The following ZNF804A variants were observed in gnomAD, a reference collection of about 807,000 sequenced individuals.
ZNF804A encodes zinc finger protein 804A.
Under a neutral mutation model 16.5 loss-of-function variants are expected in ZNF804A, and 2 were observed. The ratio of observed to expected loss-of-function variants is 0.12; its 90% confidence interval spans 0.05 to 0.38. The LOEUF is 0.38. Ranked by LOEUF, ZNF804A falls within the 10% of genes least tolerant of loss-of-function variation. The pLI, the probability that ZNF804A is intolerant of heterozygous loss-of-function variation, is 0.99. For synonymous variants in ZNF804A, 534 were observed against 489.6 expected, an observed-to-expected ratio of 1.09 and a Z score of -1.20; for missense variants, 1,473 against 1,390.7, an observed-to-expected ratio of 1.06 and a Z score of -0.94.
intron 1 of ZNF804A, among the ~76,000 whole-genome samples, chr2:184,642,309 A>G (rs765964691): frequency 1.4e-4 from 22 of 152,136 alleles, no homozygotes; most frequent in Non-Finnish European, 2.4e-4. Flanking sequence ...ACTGTCCTCA[A>G]GTAGCAATTA....
At chr2:184,613,429 T>G (rs954091919) in intron 1 of ZNF804A, among the ~76,000 whole-genome samples, 1 of 152,154 alleles carries the variant, frequency 6.6e-6, no homozygotes, top group African/African-American at 2.4e-5. Flanking sequence ...TGGCCAGAAA[T>G]GTAAACAATA....
chr2:184,667,907 TAA>T (rs1406499338), intron 1 of ZNF804A, among the ~76,000 whole-genome samples: 2 of 151,796 alleles, frequency 1.3e-5, no homozygotes, highest in African/African-American at 2.4e-5. Flanking sequence ...TTCAAATTAT[TAA>T]GTCTATTTCA....
At chr2:184,804,629 A>G (rs775486427) in intron 1 of ZNF804A, among the ~76,000 whole-genome samples, 3 of 152,236 alleles carry the variant, frequency 2.0e-5, no homozygotes, top group Admixed American at 6.5e-5. Flanking sequence ...GAAATTAAAC[A>G]GCTATAAAAT....
intron 1 of ZNF804A, among the ~76,000 whole-genome samples, chr2:184,705,544 C>T (rs1693012537): frequency 6.6e-6 from 1 of 152,066 alleles, no homozygotes; most frequent in Admixed American, 6.5e-5. Context: ...ACAATTATAA[C>T]CTCAGTCATT....
intron 2 of ZNF804A, among the ~76,000 whole-genome samples, chr2:184,918,313 C>T (rs1455646987): frequency 6.6e-6 from 1 of 152,146 alleles, no homozygotes; most frequent in Non-Finnish European, 1.5e-5. Context: ...TAATATGTCT[C>T]TTGATGGAAG....
chr2:184,689,707 T>G (rs1692699167), intron 1 of ZNF804A, among the ~76,000 whole-genome samples: 1 of 152,020 alleles, frequency 6.6e-6, no homozygotes, highest in Non-Finnish European at 1.5e-5. Context: ...TTTTAGCTCT[T>G]TATTTATCCT....
At chr2:184,898,425 T>C (rs1463746407) in intron 2 of ZNF804A, among the ~76,000 whole-genome samples, 1 of 152,074 alleles carries the variant, frequency 6.6e-6, no homozygotes, top group African/African-American at 2.4e-5. Context: ...TTGTGGAATA[T>C]AGAACACCAA....
Position 184,938,723 on chromosome 2 carries a change from TGCTGCAGCTGCAGCTGCA to T in ZNF804A, c.3330_3347del (p.Ala1114_Ala1119del), listed in dbSNP as rs751389469. Reference sequence around the variant, plus strand: ...CTGTTTTGCAGCAGCACGCTGCAGCTGCTGCAGCTGCAGCTGCAGCCGCAGCTGCAGGAACCTTTAAAG... The same window carrying T: ...CTGTTTTGCAGCAGCACGCTGCAGCTGCCGCAGCTGCAGGAACCTTTAAAG... On this transcript the variant is annotated inframe_deletion, in exon 4 of 4. Coordinates refer to ENST00000302277, the MANE Select transcript of ZNF804A (RefSeq NM_194250.2). 13 of 1,607,726 alleles carry T rather than the reference TGCTGCAGCTGCAGCTGCA, an allele frequency of 8.1e-6. No homozygotes were observed. Among genetic ancestry groups the T allele is most frequent in the East Asian group, 4.5e-5 (2 of 44,760 alleles).
rs1574280513 is a variant in ZNF804A, at chr2:184,939,440, A to C, written c.*414A>C. 3 of 153,696 alleles carry C rather than the reference A, an allele frequency of 2.0e-5. No homozygotes were observed. Among genetic ancestry groups the C allele is most frequent in the African/African-American group, 4.8e-5 (2 of 41,478 alleles). 9.5% of individuals were successfully genotyped at this position (153,696 alleles called of 1,614,324 possible). ...TTGTATCATGTTCCTTGAAACTGTA[A>C]ATTCAGTGAAAAATATCTCTTGCAA... is the stretch of plus-strand genomic sequence containing the variant. On this transcript the variant is annotated 3_prime_UTR_variant, in exon 4 of 4. Transcript: ENST00000302277.
intron 2 of ZNF804A, among the ~76,000 whole-genome samples, chr2:184,887,991 C>T (rs920076050): frequency 1.3e-5 from 2 of 151,974 alleles, no homozygotes; most frequent in South Asian, 2.1e-4. Context: ...GTTGGGAGTA[C>T]GGTAACGGTT....
intron 1 of ZNF804A, among the ~76,000 whole-genome samples, chr2:184,734,706 T>A (rs1338002796): frequency 2.6e-5 from 4 of 152,220 alleles, no homozygotes; most frequent in Admixed American, 6.5e-5. Flanking sequence ...TATTTTTGAG[T>A]TCAGCAGTGC....
intron 1 of ZNF804A, among the ~76,000 whole-genome samples, chr2:184,796,042 C>T (rs1354072575): frequency 6.6e-6 from 1 of 151,942 alleles, no homozygotes; most frequent in African/African-American, 2.4e-5. Context: ...TATGTTATGC[C>T]ATCCCTGTAT....
At chr2:184,717,425 A>G (rs1294036308) in intron 1 of ZNF804A, among the ~76,000 whole-genome samples, 1 of 152,100 alleles carries the variant, frequency 6.6e-6, no homozygotes, top group Non-Finnish European at 1.5e-5. Context: ...CTTTTAAGGC[A>G]CCTCAGTGCT....
At chr2:184,903,584 A>G (rs901738092) in intron 2 of ZNF804A, among the ~76,000 whole-genome samples, 1 of 152,168 alleles carries the variant, frequency 6.6e-6, no homozygotes, top group East Asian at 1.9e-4. Context: ...TAAGGGGCAC[A>G]TGACTGTAGT....
At chr2:184,599,102 T>TCTCA in intron 1 of ZNF804A, 32 bp downstream of exon 1, 1 of 1,475,470 alleles carries the variant, frequency 6.8e-7, no homozygotes, top group Non-Finnish European at 9.5e-7. Flanking sequence ...TCTCTCTCTC[T>TCTCA]CATATTTAAG....
chr2:184,850,329 G>T (rs1425088601), intron 1 of ZNF804A, among the ~76,000 whole-genome samples: 1 of 151,788 alleles, frequency 6.6e-6, no homozygotes, highest in Admixed American at 6.6e-5. Flanking sequence ...AACATCATGT[G>T]TACCCATAAT....
At chr2:184,797,025 AGGCTTGTTTTAT>A (rs1694639893) in intron 1 of ZNF804A, among the ~76,000 whole-genome samples, 1 of 152,010 alleles carries the variant, frequency 6.6e-6, no homozygotes, top group Admixed American at 6.6e-5. Flanking sequence ...TAATTTATTG[AGGCTTGTTTTAT>A]GGCCTATCAT....
intron 1 of ZNF804A, among the ~76,000 whole-genome samples, chr2:184,658,929 C>A (rs1692123822): frequency 6.6e-6 from 1 of 152,112 alleles, no homozygotes; most frequent in Non-Finnish European, 1.5e-5. Flanking sequence ...TATATATGAC[C>A]TTTTCTTGTA....
At chr2:184,852,095 A>G (rs971692820) in intron 1 of ZNF804A, among the ~76,000 whole-genome samples, 1 of 151,784 alleles carries the variant, frequency 6.6e-6, no homozygotes, top group South Asian at 2.1e-4. Context: ...AAACCTTATC[A>G]AATTTATGAT....
Sources: gnomAD v4.1 joint callset for allele counts (sites outside exome capture counted in the v4.1 genomes callset) on GRCh38, gnomAD v4.1.1 for gene constraint, MANE v1.5 for transcripts, NCBI Gene and HGNC (gene_info 2026-07-23, HGNC 2026-07-21) for gene names.